Variants in RBMS3 observed in about 807,000 individuals in gnomAD.
The protein encoded by RBMS3 is RNA-binding motif, single-stranded-interacting protein 3.
RBMS3 carries 27 observed loss-of-function variants against 66.8 expected under a neutral mutation model. That is an observed-to-expected ratio of 0.40 (90% CI 0.30 to 0.56). RBMS3 has a LOEUF of 0.56. Among genes scored for constraint, RBMS3 ranks in the 20% least tolerant of loss-of-function variants. The pLI, the probability that RBMS3 is intolerant of heterozygous loss-of-function variation, is 0.40. For synonymous variants in RBMS3, 188 were observed against 183.0 expected, an observed-to-expected ratio of 1.03 and a Z score of -0.22; for missense variants, 513 against 549.5, an observed-to-expected ratio of 0.93 and a Z score of 0.66.
intron 12 of RBMS3, among the ~76,000 whole-genome samples, chr3:29,967,584 T>C (rs113696236): frequency 0.11 from 16,505 of 152,184 alleles, 1,657 homozygotes; most frequent in African/African-American, 0.24. Flanking sequence ...CGTGAGCCAC[T>C]GTGCCCGGCC....
intron 8 of RBMS3, among the ~76,000 whole-genome samples, chr3:29,888,755 C>A (rs1305446349): frequency 6.6e-6 from 1 of 151,674 alleles, no homozygotes; most frequent in Non-Finnish European, 1.5e-5. Context: ...GTTTTAAATT[C>A]TCTAAATCCA....
chr3:29,544,162 C>T lies in RBMS3; in HGVS notation c.308-42952C>T, dbSNP rs533691800. 1.5e-3 allele frequency among the ~76,000 whole-genome samples: 221 copies of T among 152,084 alleles called. 1 individual carries two copies. The highest frequency in any genetic ancestry group is 5.1e-3 in the African/African-American group (210 of 41,518). On this transcript the variant is annotated intron_variant, in intron 3 of 14. Coordinates refer to ENST00000383767, the MANE Select transcript of RBMS3 (RefSeq NM_001003793.3). ...TTACATTGTGACTTTAGTATTCCAA[C>T]TAGATTGTAAAAGACAAAAGGTTAA...
intron 1 of RBMS3, among the ~76,000 whole-genome samples, chr3:29,290,047 C>T (rs1016559460): frequency 2.0e-5 from 3 of 151,684 alleles, no homozygotes; most frequent in Non-Finnish European, 2.9e-5. Flanking sequence ...AAAAACAATA[C>T]TAACTATCTG....
intron 6 of RBMS3, among the ~76,000 whole-genome samples, chr3:29,846,055 G>T (rs914509212): frequency 6.6e-6 from 1 of 151,418 alleles, no homozygotes; most frequent in African/African-American, 2.4e-5. Context: ...TGACCTTTTT[G>T]TCTATGAAAA....
At chr3:29,399,082 T>A (rs1024721687) in intron 1 of RBMS3, among the ~76,000 whole-genome samples, 1 of 152,158 alleles carries the variant, frequency 6.6e-6, no homozygotes, top group East Asian at 1.9e-4. Flanking sequence ...TCAAGCCTTT[T>A]CTCTACTTTA....
chr3:29,754,690 T>G (rs2149370923), intron 5 of RBMS3, among the ~76,000 whole-genome samples: 1 of 152,340 alleles, frequency 6.6e-6, no homozygotes, highest in African/African-American at 2.4e-5. Context: ...CCCAGGAGCC[T>G]AGATTCATGT....
At chr3:29,602,051 G>A (rs977000368) in intron 4 of RBMS3, among the ~76,000 whole-genome samples, 2 of 152,014 alleles carry the variant, frequency 1.3e-5, no homozygotes, top group African/African-American at 4.8e-5. Flanking sequence ...ATCCCTTAAT[G>A]CTGTGTGGGA....
intron 5 of RBMS3, among the ~76,000 whole-genome samples, chr3:29,762,326 TGC>T (rs200136134): frequency 0.48 from 72,531 of 151,704 alleles, 17,888 homozygotes; most frequent in African/African-American, 0.6. Context: ...AATGTCATAA[TGC>T]TGACGACTAC....
chr3:29,850,965 C>T (rs1158747310), intron 6 of RBMS3, among the ~76,000 whole-genome samples: 3 of 152,178 alleles, frequency 2.0e-5, no homozygotes, highest in African/African-American at 4.8e-5. Flanking sequence ...AACCTCAAGA[C>T]ATTTTGTACT....
chr3:29,937,399 G>A (rs2061293996), intron 11 of RBMS3, among the ~76,000 whole-genome samples: 1 of 151,916 alleles, frequency 6.6e-6, no homozygotes, highest in Admixed American at 6.6e-5. Flanking sequence ...CTATAGCAAT[G>A]GCTTGCTTGC....
chr3:29,467,416 AT>A (rs1461947331), intron 2 of RBMS3, among the ~76,000 whole-genome samples: 1 of 152,186 alleles, frequency 6.6e-6, no homozygotes, highest in Non-Finnish European at 1.5e-5. Context: ...GTTTGCGTTT[AT>A]GTGCTTACAT....
chr3:29,290,604 G>A (rs2032733211), intron 1 of RBMS3: 1 of 151,760 alleles, frequency 6.6e-6, no homozygotes. Flanking sequence ...ATCCTGGAAA[G>A]GATAAAATTC....
At chr3:29,989,321 A>AAAAC (rs1698663293) in intron 13 of RBMS3, among the ~76,000 whole-genome samples, 1 of 152,194 alleles carries the variant, frequency 6.6e-6, no homozygotes, top group Non-Finnish European at 1.5e-5. Context: ...AGATGGTGGT[A>AAAAC]AAACACTTAG....
intron 4 of RBMS3, among the ~76,000 whole-genome samples, chr3:29,724,075 C>G (rs926647088): frequency 1.3e-5 from 2 of 151,772 alleles, no homozygotes; most frequent in African/African-American, 4.8e-5. Context: ...TTGTCGCTCA[C>G]AAATGATAGG....
intron 4 of RBMS3, among the ~76,000 whole-genome samples, chr3:29,592,461 C>T (rs1012148587): frequency 2.0e-5 from 3 of 152,132 alleles, no homozygotes; most frequent in African/African-American, 4.8e-5. Flanking sequence ...CAGTGAGATA[C>T]CATCTCACAC....
intron 6 of RBMS3, among the ~76,000 whole-genome samples, chr3:29,800,709 C>A (rs1002469036): frequency 6.6e-6 from 1 of 152,006 alleles, no homozygotes; most frequent in Non-Finnish European, 1.5e-5. Flanking sequence ...CAATAGTGCA[C>A]TTTTTTTGGA....
At chr3:29,734,041 C>G (rs2054262718) in intron 4 of RBMS3, among the ~76,000 whole-genome samples, 1 of 152,058 alleles carries the variant, frequency 6.6e-6, no homozygotes, top group South Asian at 2.1e-4. Context: ...CACACACACA[C>G]AGTGGAATAC....
chr3:29,323,313 T>C (rs141719462), intron 1 of RBMS3, among the ~76,000 whole-genome samples: 55 of 152,242 alleles, frequency 3.6e-4, no homozygotes, highest in African/African-American at 1.3e-3. Flanking sequence ...TTTTTTTGGG[T>C]AATAACAATA....
At chr3:29,388,196 C>G (rs1187384860) in intron 1 of RBMS3, among the ~76,000 whole-genome samples, 1 of 144,974 alleles carries the variant, frequency 6.9e-6, no homozygotes, top group Non-Finnish European at 1.5e-5. Context: ...ATACCTTTAC[C>G]TGCTTTATTT....
Sources: allele counts gnomAD v4.1 joint callset (sites outside exome capture counted in the v4.1 genomes callset), GRCh38; gene constraint gnomAD v4.1.1; transcripts MANE v1.5; gene names NCBI Gene and HGNC (gene_info 2026-07-23, HGNC 2026-07-21).